Variants in ADAMTS9 observed in about 807,000 individuals in gnomAD.
ADAMTS9 encodes A disintegrin and metalloproteinase with thrombospondin motifs 9.
A neutral mutation model predicts 257.1 loss-of-function variants in ADAMTS9; 107 were observed. The ratio of observed to expected loss-of-function variants is 0.42; its 90% CI spans 0.36 to 0.49. The LOEUF (loss-of-function observed/expected upper bound fraction) is 0.49, where lower values mean the gene tolerates loss of function less well. Ranked by LOEUF, ADAMTS9 falls within the 20% of genes least tolerant of loss-of-function variation. The pLI is 0.03. For missense variants in ADAMTS9, 2,353 were observed against 2,469.1 expected (o/e 0.95, Z 1.00); for synonymous variants, 982 against 880.9 (o/e 1.11, Z -2.03).
At chr3:64,589,126 CT>C (rs2084213566) in intron 28 of ADAMTS9, 1 of 152,072 alleles carries the variant, frequency 6.6e-6, no homozygotes. Context: ...TGATATCATC[CT>C]GTTAATCTGG....
intron 30 of ADAMTS9, among the ~76,000 whole-genome samples, chr3:64,560,705 G>A (rs951122045): frequency 2.0e-5 from 3 of 152,142 alleles, no homozygotes; most frequent in African/African-American, 7.2e-5. Flanking sequence ...CACAGTGCCA[G>A]GGGTACAGTC....
chr3:64,643,144 G>GAAATGCGC (rs2106925982), intron 11 of ADAMTS9, among the ~76,000 whole-genome samples: 1 of 152,298 alleles, frequency 6.6e-6, no homozygotes, highest in South Asian at 2.1e-4. Flanking sequence ...CAGGACCCAT[G>GAAATGCGC]AAATGCGCAC....
At chr3:64,657,189 G>A (rs924253269) in intron 4 of ADAMTS9, among the ~76,000 whole-genome samples, 24 of 152,154 alleles carry the variant, frequency 1.6e-4, no homozygotes, top group Admixed American at 1.1e-3. Flanking sequence ...GCACTAGTAC[G>A]TGGCTAGCTC....
intron 4 of ADAMTS9, 197 bp from the exon 5 acceptor site, chr3:64,656,072 A>C (rs1453471452): frequency 1.5e-5 from 7 of 478,584 alleles, no homozygotes; most frequent in African/African-American, 1.4e-4. Context: ...GTTTTAGATA[A>C]CAGTGAATTC....
chr3:64,630,438 T>C (rs904782182), intron 16 of ADAMTS9, among the ~76,000 whole-genome samples: 3 of 152,100 alleles, frequency 2.0e-5, no homozygotes, highest in African/African-American at 7.2e-5. Context: ...CAACTAGCTG[T>C]GCATAGTGGT....
rs567708052 is a variant in ADAMTS9, at chr3:64,648,600, T to C, written c.1606-556A>G. Among the ~76,000 whole-genome samples, 18 of 152,350 alleles carry C rather than the reference T, an allele frequency of 1.2e-4. No homozygotes were observed. In the South Asian group the frequency reaches 1.2e-3, roughly 11 times the overall value. On this transcript the variant is annotated intron_variant, in intron 10 of 39. Coordinates refer to ENST00000498707, the MANE Select transcript of ADAMTS9 (RefSeq NM_182920.2). Reference sequence around the variant, plus strand: ...TAATTATTAAAATAAACCACACTTATAGTAGAAAAGTTGCACAAGTATTAA... The same window carrying C: ...TAATTATTAAAATAAACCACACTTACAGTAGAAAAGTTGCACAAGTATTAA...
At chr3:64,658,217 T>G (rs139602697) in intron 4 of ADAMTS9, among the ~76,000 whole-genome samples, 1 of 152,344 alleles carries the variant, frequency 6.6e-6, no homozygotes, top group Non-Finnish European at 1.5e-5. Context: ...ATCTATAAAA[T>G]GGGCATGATT....
chr3:64,535,544 TTTC>T (rs2083038535), intron 37 of ADAMTS9, among the ~76,000 whole-genome samples: 1 of 128,528 alleles, frequency 7.8e-6, no homozygotes. Flanking sequence ...TTTCTTTTCT[TTTC>T]TTTTCTTTTT....
intron 39 of ADAMTS9, among the ~76,000 whole-genome samples, chr3:64,519,005 T>C (rs887091034): frequency 1.3e-5 from 2 of 152,082 alleles, no homozygotes; most frequent in African/African-American, 4.8e-5. Flanking sequence ...CTCAAACTCC[T>C]GACCTCAAGT....
chr3:64,617,139 T>C lies in ADAMTS9; in HGVS notation c.2814-969A>G, dbSNP rs544572656. The stretch of plus-strand genomic sequence containing the variant: ...AGAAATTGTAAAACAATGCTTTATC[T>C]CATCCTGTCACAGTGTAGTGGGGCA... On this transcript the variant is annotated intron_variant, in intron 19 of 39. Transcript: ENST00000498707. Among the ~76,000 whole-genome samples the C allele has an allele frequency of 2.0e-5, 3 of 152,304 alleles. No individual in the cohort carries two copies. In the South Asian group the frequency reaches 6.2e-4, roughly 32 times the overall value.
intron 3 of ADAMTS9, among the ~76,000 whole-genome samples, chr3:64,664,734 T>G (rs150570606): frequency 6.6e-6 from 1 of 152,332 alleles, no homozygotes; most frequent in Non-Finnish European, 1.5e-5. Flanking sequence ...GCTATGAACA[T>G]TCATGTGCAA....
chr3:64,650,749 C>A, intron 9 of ADAMTS9: 1 of 363,212 alleles, frequency 2.8e-6, no homozygotes, highest in South Asian at 4.2e-5. Flanking sequence ...AATCTCAAAA[C>A]TTTACCCAAA....
At chr3:64,554,114 G>A (rs902720117) in intron 30 of ADAMTS9, among the ~76,000 whole-genome samples, 11 of 152,054 alleles carry the variant, frequency 7.2e-5, no homozygotes, top group African/African-American at 2.2e-4. Flanking sequence ...ATCCTCTCTT[G>A]TTTTCACTAA....
At chr3:64,522,060 A>C (rs1484048240) in intron 39 of ADAMTS9, 106 bp downstream of exon 39, 2 of 912,354 alleles carry the variant, frequency 2.2e-6, no homozygotes, top group Non-Finnish European at 3.4e-6. Flanking sequence ...GGTCAGCTTC[A>C]AGATGCTTAA....
Position 64,613,349 on chromosome 3 carries a change from C to A in ADAMTS9, c.3350G>T (p.Gly1117Val). The change falls in exon 22 of 40, where the codon GGA becomes GTA. Residue 1117 changes from glycine (G) to valine (V), a missense_variant. Physicochemically the swap from Gly to Val is moderately radical, Grantham distance 109. Transcript: ENST00000498707. ...GAATCTTATCGTTCAAAATACCTGT[C>A]CCCAGGGACCCGCCTGCCAGGATGC... is the stretch of plus-strand genomic sequence containing the variant. ...ECASWQAGPW[G>V]QCSVTCGQGY... The A allele has an allele frequency of 6.2e-7, 1 of 1,613,364 alleles. No individual in the cohort carries two copies. Among genetic ancestry groups the A allele is most frequent in the Non-Finnish European group, 8.5e-7 (1 of 1,179,616 alleles).
intron 28 of ADAMTS9, chr3:64,587,297 A>T (rs1417582851): frequency 6.6e-6 from 1 of 152,132 alleles, no homozygotes. Context: ...CTATGGGGGA[A>T]CCCCTTACAT....
At chr3:64,611,847 C>G (rs1289887974) in intron 22 of ADAMTS9, among the ~76,000 whole-genome samples, 1 of 152,072 alleles carries the variant, frequency 6.6e-6, no homozygotes, top group East Asian at 1.9e-4. Flanking sequence ...TACAAGGTTT[C>G]CTTTTGGGGT....
chr3:64,601,628 G>T (rs1342872427), intron 26 of ADAMTS9, among the ~76,000 whole-genome samples: 1 of 152,104 alleles, frequency 6.6e-6, no homozygotes, highest in African/African-American at 2.4e-5. Context: ...TTCCCCTACA[G>T]GTATGAGCTG....
chr3:64,654,457 G>A lies in ADAMTS9; in HGVS notation c.1212C>T (p.Gly404=), dbSNP rs542171428. The change falls in exon 8 of 40, where the codon GGC becomes GGT. Residue 404 remains glycine (G), a splice_region_variant and synonymous_variant. Transcript: ENST00000498707. ...CACAAATGGTTCCCAGTTCAGCCAG[G>A]CCTATTAGAAGGAAAAAAACCAACA... ...CRAHDKCDTL[G]LAELGTICDP... 6 of 1,613,628 alleles carry A rather than the reference G, an allele frequency of 3.7e-6. No individual in the cohort carries two copies. In the Admixed American group the frequency reaches 8.3e-5, roughly 22 times the overall value.
Sources: gnomAD v4.1 joint callset for allele counts (sites outside exome capture counted in the v4.1 genomes callset) on GRCh38, gnomAD v4.1.1 for gene constraint, MANE v1.5 for transcripts, NCBI Gene and HGNC (gene_info 2026-07-23, HGNC 2026-07-21) for gene names.